The following ROBO2 variants were observed in gnomAD, a reference collection of about 807,000 sequenced individuals.
ROBO2 encodes the protein roundabout homolog 2.
In ROBO2, 53 loss-of-function variants were observed where a neutral mutation model predicts 160.8. That is an observed-to-expected ratio of 0.33 (90% CI 0.26 to 0.41). ROBO2 has a LOEUF of 0.41. Ranked by LOEUF, ROBO2 falls within the 10% of genes least tolerant of loss-of-function variation. The pLI is 1.00. For missense variants in ROBO2, 1,577 were observed against 1,722.4 expected (o/e 0.92, Z 1.49); for synonymous variants, 664 against 611.7 (o/e 1.09, Z -1.26).
chr3:77,522,661 G>T, intron 5 of ROBO2, 114 bp from the exon 6 acceptor site: 2 of 996,406 alleles, frequency 2.0e-6, no homozygotes, highest in Non-Finnish European at 3.1e-6. Flanking sequence ...TTGTGTGTGT[G>T]TGTATTTGTG....
At chr3:77,395,612 G>T (rs999509091) in intron 2 of ROBO2, among the ~76,000 whole-genome samples, 1 of 152,044 alleles carries the variant, frequency 6.6e-6, no homozygotes, top group Non-Finnish European at 1.5e-5. Flanking sequence ...AACTCAACAA[G>T]TTTTTCTAGA....
intron 5 of ROBO2, among the ~76,000 whole-genome samples, chr3:77,500,724 T>G (rs2087467492): frequency 6.6e-6 from 1 of 152,210 alleles, no homozygotes; most frequent in Non-Finnish European, 1.5e-5. Context: ...ATTGTAGTTT[T>G]CCTGTGTTTT....
At chr3:77,230,520 CAATT>C (rs779576769) in intron 2 of ROBO2, among the ~76,000 whole-genome samples, 1 of 152,156 alleles carries the variant, frequency 6.6e-6, no homozygotes, top group Non-Finnish European at 1.5e-5. Flanking sequence ...GTGGGAAAAA[CAATT>C]AATTCCTTTT....
At chr3:77,028,673 C>T (rs1295516537) in intron 2 of ROBO2, among the ~76,000 whole-genome samples, 2 of 152,158 alleles carry the variant, frequency 1.3e-5, no homozygotes, top group East Asian at 3.9e-4. Context: ...GAGCCAAGAT[C>T]GCGTCACTGT....
At chr3:77,619,006 G>A (rs1432180824) in intron 22 of ROBO2, among the ~76,000 whole-genome samples, 1 of 152,060 alleles carries the variant, frequency 6.6e-6, no homozygotes, top group Non-Finnish European at 1.5e-5. Context: ...TCTCAAATTT[G>A]CCACATTTTA....
intron 2 of ROBO2, among the ~76,000 whole-genome samples, chr3:77,211,721 G>C (rs2084191531): frequency 6.6e-6 from 1 of 152,180 alleles, no homozygotes; most frequent in African/African-American, 2.4e-5. Flanking sequence ...TAACATTTAA[G>C]TCTTTAATCC....
At chr3:77,337,697 C>T (rs895602099) in intron 2 of ROBO2, among the ~76,000 whole-genome samples, 2 of 152,064 alleles carry the variant, frequency 1.3e-5, no homozygotes, top group Admixed American at 6.5e-5. Flanking sequence ...AATGAGAACA[C>T]GACAAAACTA....
At chr3:77,586,215 C>A (rs1222268513) in intron 16 of ROBO2, among the ~76,000 whole-genome samples, 1 of 152,088 alleles carries the variant, frequency 6.6e-6, no homozygotes, top group East Asian at 1.9e-4. Context: ...AAAATGCAAT[C>A]AAATACATTC....
At chr3:77,008,055 G>A (rs1052188890) in intron 2 of ROBO2, among the ~76,000 whole-genome samples, 2 of 151,806 alleles carry the variant, frequency 1.3e-5, no homozygotes, top group East Asian at 1.9e-4. Flanking sequence ...TCCCATCAGG[G>A]AACTTTAGAT....
intron 2 of ROBO2, among the ~76,000 whole-genome samples, chr3:76,610,887 T>A (rs189953084): frequency 1.3e-5 from 2 of 152,340 alleles, no homozygotes; most frequent in East Asian, 3.9e-4. Context: ...ATTCATGTCC[T>A]GAGACCAAGA....
chr3:77,206,541 T>C (rs183080482), intron 2 of ROBO2, among the ~76,000 whole-genome samples: 24 of 152,256 alleles, frequency 1.6e-4, no homozygotes, highest in Admixed American at 1.2e-3. Context: ...CTTAACTTGA[T>C]TATGCCTGCA....
At chr3:76,418,476 T>C (rs1221775018) in intron 2 of ROBO2, among the ~76,000 whole-genome samples, 1 of 152,114 alleles carries the variant, frequency 6.6e-6, no homozygotes, top group Middle Eastern at 3.2e-3. Context: ...CTTGACCTCA[T>C]GATCCACCCG....
At chr3:77,066,497 T>G (rs562206460) in intron 1 of ROBO2, among the ~76,000 whole-genome samples, 1 of 152,214 alleles carries the variant, frequency 6.6e-6, no homozygotes, top group African/African-American at 2.4e-5. Flanking sequence ...GTGTTATCAA[T>G]TAGAAAAATT....
intron 2 of ROBO2, among the ~76,000 whole-genome samples, chr3:76,089,923 A>C (rs1412282575): frequency 6.6e-6 from 1 of 152,166 alleles, no homozygotes. Context: ...GACATAAAAA[A>C]ATCCAAAAGA....
chr3:76,217,993 C>T (rs895995627), intron 2 of ROBO2, among the ~76,000 whole-genome samples: 1 of 152,122 alleles, frequency 6.6e-6, no homozygotes, highest in African/African-American at 2.4e-5. Context: ...CCTTGGGATG[C>T]AAGGCTGGTT....
intron 2 of ROBO2, among the ~76,000 whole-genome samples, chr3:77,394,159 G>A (rs534670205): frequency 1.3e-5 from 2 of 152,276 alleles, no homozygotes; most frequent in Admixed American, 1.3e-4. Context: ...AGAAGGGCCA[G>A]TGGAAGCTAG....
intron 2 of ROBO2, among the ~76,000 whole-genome samples, chr3:77,328,499 C>G (rs766431058): frequency 1.3e-5 from 2 of 152,178 alleles, no homozygotes; most frequent in Non-Finnish European, 2.9e-5. Flanking sequence ...CTTTTATATA[C>G]AGATCACCTG....
At chr3:76,174,715 G>T (rs977205696) in intron 2 of ROBO2, among the ~76,000 whole-genome samples, 8 of 151,982 alleles carry the variant, frequency 5.3e-5, no homozygotes, top group Admixed American at 2.0e-4. Context: ...CTGTTCCATT[G>T]GTCTATATAT....
At chr3:76,530,207 G>A (rs1384741959) in intron 2 of ROBO2, among the ~76,000 whole-genome samples, 1 of 152,130 alleles carries the variant, frequency 6.6e-6, no homozygotes, top group African/African-American at 2.4e-5. Flanking sequence ...TGCTGGTGGC[G>A]ATTCTTTAAA....
Sources: gnomAD v4.1 joint callset for allele counts (sites outside exome capture counted in the v4.1 genomes callset) on GRCh38, gnomAD v4.1.1 for gene constraint, MANE v1.5 for transcripts, NCBI Gene and HGNC (gene_info 2026-07-23, HGNC 2026-07-21) for gene names.